Variants in METTL2A observed in about 807,000 individuals in gnomAD.
METTL2A encodes tRNA N(3)-cytidine methyltransferase METTL2A.
In METTL2A, 45 loss-of-function variants were observed where a neutral mutation model predicts 49.4. The observed-to-expected ratio is 0.91, with a 90% CI of 0.72 to 1.17. METTL2A has a LOEUF of 1.17. Ranked by LOEUF, METTL2A falls within the 50% of genes most tolerant of loss-of-function variation. METTL2A has a pLI of 0.00. For synonymous variants in METTL2A, 118 were observed against 167.5 expected (o/e 0.70, Z 2.28); for missense variants, 361 against 462.2 (o/e 0.78, Z 2.01).
intron 2 of METTL2A, 47 bp downstream of exon 2, chr17:62,424,357 C>G: frequency 1.2e-6 from 2 of 1,610,676 alleles, no homozygotes; most frequent in Non-Finnish European, 1.7e-6. Flanking sequence ...AGCGTACTGC[C>G]GAACGCGCCC....
At chr17:62,447,634 T>C (rs1181187718) in intron 7 of METTL2A, 67 bp from the exon 8 acceptor site, 4 of 1,581,582 alleles carry the variant, frequency 2.5e-6, no homozygotes, top group Non-Finnish European at 3.5e-6. Context: ...CCAGTTAACA[T>C]TCCTTAGCAA....
At chr17:62,440,783 T>C in intron 6 of METTL2A, 27 bp downstream of exon 6, 11 of 1,598,472 alleles carry the variant, frequency 6.9e-6, no homozygotes, top group Non-Finnish European at 9.4e-6. Context: ...TGGCTGGTAG[T>C]GTCACAAAAA....
At chr17:62,442,898 C>A (rs1335782608) in intron 6 of METTL2A, among the ~76,000 whole-genome samples, 3 of 152,098 alleles carry the variant, frequency 2.0e-5, no homozygotes, top group Non-Finnish European at 4.4e-5. Flanking sequence ...GGTTTATCTC[C>A]CAGAGTCCAA....
chr17:62,430,537 C>T (rs1269192342), intron 4 of METTL2A, among the ~76,000 whole-genome samples: 1 of 152,174 alleles, frequency 6.6e-6, no homozygotes, highest in African/African-American at 2.4e-5. Flanking sequence ...TCCCTCAGTG[C>T]ACTGGTCACA....
At chr17:62,426,137 G>A (rs1346261230) in intron 2 of METTL2A, among the ~76,000 whole-genome samples, 162 bp from the exon 3 acceptor site, 1 of 152,206 alleles carries the variant, frequency 6.6e-6, no homozygotes, top group Admixed American at 6.5e-5. Flanking sequence ...CCAGATGGCA[G>A]GACTAAATGA....
rs2070785036 is a variant in METTL2A, at chr17:62,448,670, A to T, written c.1078A>T (p.Met360Leu). 1 of 1,614,086 alleles carries T rather than the reference A, an allele frequency of 6.2e-7. No homozygotes were observed. Among genetic ancestry groups the T allele is most frequent in the Non-Finnish European group, 8.5e-7 (1 of 1,180,052 alleles). Residue 360 changes from methionine to leucine, a missense_variant, in exon 9 of 9, where the codon ATG (methionine) becomes TTG (leucine). Physicochemically the swap from Met to Leu is conservative, Grantham distance 15. Around this residue, in one of 3 missense-constraint regions of METTL2A, gnomAD observed 183 missense variants for 216.5 expected, o/e 0.85. Transcript: ENST00000311506. ...GGTGAACCGAGGAAAGCAACTGACA[A>T]TGTACCGGGTTTGGATTCAGTGCAA... is the stretch of plus-strand genomic sequence containing the variant. ...LQVNRGKQLT[M>L]YRVWIQCKYC...
intron 7 of METTL2A, among the ~76,000 whole-genome samples, chr17:62,445,392 A>G (rs1381139294): frequency 6.6e-6 from 1 of 152,132 alleles, no homozygotes; most frequent in East Asian, 1.9e-4. Flanking sequence ...AAGCCATTTA[A>G]TATGTGACAG....
At chr17:62,432,658 C>T (rs1450279559) in intron 4 of METTL2A, among the ~76,000 whole-genome samples, 1 of 152,104 alleles carries the variant, frequency 6.6e-6, no homozygotes, top group African/African-American at 2.4e-5. Flanking sequence ...AAAAATTAGC[C>T]GGGCATGGTG....
intron 4 of METTL2A, among the ~76,000 whole-genome samples, chr17:62,430,864 A>C (rs373043201): frequency 6.7e-6 from 1 of 149,070 alleles, no homozygotes; most frequent in East Asian, 2.0e-4. Context: ...TTATTGATTG[A>C]TTGATTGATT....
rs564670586 is a variant in METTL2A, at chr17:62,447,907, C to G, written c.982+141C>G. On this transcript the variant is annotated intron_variant, in intron 8 of 8. Coordinates refer to ENST00000311506, the MANE Select transcript of METTL2A (RefSeq NM_181725.4). ...CCTGCGGTTCCCTGCTGCTCACACC[C>G]TCTTCCACCCTGGGCTAGGCTACCC... is the stretch of plus-strand genomic sequence containing the variant. 2.0e-4 allele frequency: 303 copies of G among 1,531,788 alleles called. 3 individuals are homozygous for G. In the East Asian group the frequency reaches 5.8e-3, roughly 30 times the overall value. The allele number at this position is 1,531,788 out of a possible 1,614,324, so 94.9% of individuals were successfully genotyped here.
intron 2 of METTL2A, among the ~76,000 whole-genome samples, chr17:62,425,067 C>T (rs980182288): frequency 2.7e-5 from 4 of 150,018 alleles, no homozygotes; most frequent in African/African-American, 9.9e-5. Flanking sequence ...TCATGTGGTT[C>T]AATATTCTCT....
At chr17:62,436,577 A>G (rs900928637) in intron 5 of METTL2A, among the ~76,000 whole-genome samples, 4 of 152,300 alleles carry the variant, frequency 2.6e-5, no homozygotes, top group Non-Finnish European at 5.9e-5. Flanking sequence ...AGAAAAAAAA[A>G]TAGTTTATTG....
intron 5 of METTL2A, among the ~76,000 whole-genome samples, chr17:62,439,890 C>T (rs1390779090): frequency 6.6e-6 from 1 of 152,050 alleles, no homozygotes; most frequent in Non-Finnish European, 1.5e-5. Context: ...CAGGAATGTT[C>T]TATTTTAAAA....
Position 62,440,691 on chromosome 17 carries a change from A to G in METTL2A, c.744A>G (p.Pro248=). ...HDLCDEEKSY[P]VPKGSLDIII... is the part of the protein sequence containing the mutation. ...TGTGTGATGAAGAGAAGAGTTACCC[A>G]GTGCCCAAGGGCAGTCTTGATATTA... Residue 248 remains proline, a synonymous_variant, in exon 6 of 9, where the codon CCA becomes CCG. Coordinates refer to ENST00000311506, the MANE Select transcript of METTL2A (RefSeq NM_181725.4). The G allele has an allele frequency of 1.2e-6, 2 of 1,614,078 alleles. No individual in the cohort carries two copies. Among genetic ancestry groups the G allele is most frequent in the Non-Finnish European group, 1.7e-6 (2 of 1,180,008 alleles).
At chr17:62,440,846 C>A in intron 6 of METTL2A, 90 bp downstream of exon 6, 19 of 1,510,074 alleles carry the variant, frequency 1.3e-5, no homozygotes, top group Non-Finnish European at 1.6e-5. Flanking sequence ...GCTCTGTCAG[C>A]CCAGGCTGGA....
At chr17:62,446,956 G>C (rs1435914531) in intron 7 of METTL2A, among the ~76,000 whole-genome samples, 1 of 152,132 alleles carries the variant, frequency 6.6e-6, no homozygotes, top group East Asian at 1.9e-4. Context: ...CTGAGGTAAG[G>C]TCAGGGAGGT....
intron 6 of METTL2A, among the ~76,000 whole-genome samples, chr17:62,443,488 A>G (rs2070749779): frequency 6.6e-6 from 1 of 152,194 alleles, no homozygotes; most frequent in South Asian, 2.1e-4. Flanking sequence ...AGTGGCACAC[A>G]CTTTTAGTCC....
rs2070803573 is a variant in METTL2A, at chr17:62,451,172, G to A, written c.*2443G>A. Among the ~76,000 whole-genome samples the A allele has an allele frequency of 7.1e-6, 1 of 141,520 alleles. No individual in the cohort carries two copies. Among genetic ancestry groups the A allele is most frequent in the African/African-American group, 2.6e-5 (1 of 38,098 alleles). 92.8% of individuals were successfully genotyped at this position (141,520 alleles called of 152,430 possible). A position where few individuals can be genotyped will look rare whatever the true frequency, so the allele number is the denominator to read the frequency against. On this transcript the variant is annotated 3_prime_UTR_variant, in exon 9 of 9. Coordinates refer to ENST00000311506, the MANE Select transcript of METTL2A (RefSeq NM_181725.4). Reference sequence around the variant, plus strand: ...TTTTTTTTTTTTTTTTTGAGACAGAGCTTCGCTCTTGTTGCCCAGGCTGGA... The same window carrying A: ...TTTTTTTTTTTTTTTTTGAGACAGAACTTCGCTCTTGTTGCCCAGGCTGGA...
chr17:62,440,569 G>T (rs2070732120), intron 5 of METTL2A, 48 bp from the exon 6 acceptor site: 2 of 1,565,648 alleles, frequency 1.3e-6, no homozygotes, highest in Non-Finnish European at 1.7e-6. Flanking sequence ...TTTTCTTTAG[G>T]CTATGTTAAT....
Sources: gnomAD v4.1 joint callset for allele counts (sites outside exome capture counted in the v4.1 genomes callset) on GRCh38, gnomAD v4.1.1 for gene constraint, gnomAD v4.1.1 regional missense constraint, MANE v1.5 for transcripts, NCBI Gene and HGNC (gene_info 2026-07-23, HGNC 2026-07-21) for gene names.